Variants in SLC67A2 observed in about 807,000 individuals in gnomAD.
SLC67A2 encodes solute carrier family 67 member 2.
chr2:102,729,276 C>T, the SLC67A2 span, among the ~76,000 whole-genome samples: 1 of 151,988 alleles, frequency 6.6e-6, no homozygotes, highest in African/African-American at 2.4e-5. Flanking sequence ...TCATAGTTAG[C>T]AATAAAAATT....
At chr2:102,729,724 G>C in the SLC67A2 span, among the ~76,000 whole-genome samples, 1 of 152,124 alleles carries the variant, frequency 6.6e-6, no homozygotes, top group Non-Finnish European at 1.5e-5. Flanking sequence ...ACCTATGTGG[G>C]TCTTAATTGG....
chr2:102,718,597 C>T, the SLC67A2 span: 1 of 1,613,428 alleles, frequency 6.2e-7, no homozygotes, highest in Non-Finnish European at 8.5e-7. Context: ...CAGTCACAGA[C>T]TGCCCCACGC....
chr2:102,730,808 C>T, the SLC67A2 span, among the ~76,000 whole-genome samples: 1 of 152,216 alleles, frequency 6.6e-6, no homozygotes, highest in Non-Finnish European at 1.5e-5. Context: ...CTCAGCCTCC[C>T]AAAGTGTTGG....
chr2:102,718,568 G>A, the SLC67A2 span: 2 of 1,613,046 alleles, frequency 1.2e-6, no homozygotes, highest in African/African-American at 2.7e-5. Flanking sequence ...GAGGAGAGGG[G>A]CGATGATGCG....
the SLC67A2 span, chr2:102,723,935 T>G: frequency 2.9e-5 from 46 of 1,589,534 alleles, no homozygotes; most frequent in African/African-American, 5.8e-4. Context: ...AAACATGCTC[T>G]GTAACTTTTT....
the SLC67A2 span, among the ~76,000 whole-genome samples, chr2:102,715,027 G>A: frequency 6.6e-6 from 1 of 152,058 alleles, no homozygotes; most frequent in East Asian, 1.9e-4. Context: ...CATCACCTGG[G>A]AATTATTCAC....
At chr2:102,719,897 T>C in the SLC67A2 span, among the ~76,000 whole-genome samples, 58 of 152,238 alleles carry the variant, frequency 3.8e-4, no homozygotes, top group African/African-American at 1.3e-3. Context: ...CTAGTGCTTG[T>C]GCAGGTCACA....
At chr2:102,731,294 G>C in the SLC67A2 span, among the ~76,000 whole-genome samples, 5 of 151,892 alleles carry the variant, frequency 3.3e-5, no homozygotes, top group African/African-American at 9.7e-5. Context: ...TCAAAAAATT[G>C]AGGGTAAACA....
At chr2:102,736,542 G>A in the SLC67A2 span, 1 of 1,606,784 alleles carries the variant, frequency 6.2e-7, no homozygotes, top group East Asian at 2.2e-5. Flanking sequence ...GGCGGACTGC[G>A]GGTTCCCACT....
chr2:102,736,157 T>C, the SLC67A2 span, among the ~76,000 whole-genome samples: 1 of 152,136 alleles, frequency 6.6e-6, no homozygotes, highest in African/African-American at 2.4e-5. Flanking sequence ...TTTTTTAATA[T>C]TTAAGTCAAC....
chr2:102,728,259 G>A, the SLC67A2 span, among the ~76,000 whole-genome samples: 13 of 152,280 alleles, frequency 8.5e-5, no homozygotes, highest in Non-Finnish European at 1.6e-4. Flanking sequence ...CCCAGTTCCA[G>A]TACAATGGGC....
the SLC67A2 span, among the ~76,000 whole-genome samples, chr2:102,730,466 C>T: frequency 6.6e-6 from 1 of 152,062 alleles, no homozygotes; most frequent in African/African-American, 2.4e-5. Context: ...AAATACACAA[C>T]TTTAAATAGA....
chr2:102,733,909 A>C, the SLC67A2 span, among the ~76,000 whole-genome samples: 1 of 152,242 alleles, frequency 6.6e-6, no homozygotes, highest in Non-Finnish European at 1.5e-5. Flanking sequence ...GTATTACTTT[A>C]GCACTTGGTG....
chr2:102,734,011 A>G, the SLC67A2 span, among the ~76,000 whole-genome samples: 4 of 152,168 alleles, frequency 2.6e-5, no homozygotes, highest in Non-Finnish European at 5.9e-5. Context: ...CTCCTTTACT[A>G]TAAAAGGCAA....
chr2:102,732,543 T>C, the SLC67A2 span: 111,598 of 702,084 alleles, frequency 0.16, 9,694 homozygotes, highest in East Asian at 0.18. Flanking sequence ...TTGGATTCCA[T>C]AGCATGCCAT....
the SLC67A2 span, among the ~76,000 whole-genome samples, chr2:102,731,632 T>A: frequency 1.3e-5 from 2 of 152,202 alleles, no homozygotes; most frequent in African/African-American, 4.8e-5. Flanking sequence ...TAATTCCAAG[T>A]ACATTTGTCG....
At chr2:102,722,946 A>G in the SLC67A2 span, among the ~76,000 whole-genome samples, 3 of 152,200 alleles carry the variant, frequency 2.0e-5, no homozygotes, top group Non-Finnish European at 1.5e-5. Context: ...TCAACTCAAC[A>G]GCAAAAAAAA....
chr2:102,716,673 A>G, the SLC67A2 span: 3 of 152,386 alleles, frequency 2.0e-5, no homozygotes, highest in African/African-American at 7.2e-5. Flanking sequence ...AACAATAAAT[A>G]TTAAAGATAT....
the SLC67A2 span, among the ~76,000 whole-genome samples, chr2:102,720,605 C>T: frequency 6.6e-6 from 1 of 152,114 alleles, no homozygotes; most frequent in Non-Finnish European, 1.5e-5. Context: ...GTATGCAGAA[C>T]CTCTTACAGT....
Sources: allele counts gnomAD v4.1 joint callset (sites outside exome capture counted in the v4.1 genomes callset), GRCh38; gene constraint gnomAD v4.1.1; transcripts MANE v1.5; gene names NCBI Gene and HGNC (gene_info 2026-07-23, HGNC 2026-07-21).